Variants in ZBTB20 observed in about 807,000 individuals in gnomAD.
The protein encoded by ZBTB20 is zinc finger and BTB domain-containing protein 20.
A neutral mutation model predicts 56.9 loss-of-function variants in ZBTB20; 9 were observed. The ratio of observed to expected loss-of-function variants is 0.16; its 90% CI spans 0.10 to 0.28. ZBTB20 has a LOEUF of 0.28. ZBTB20 is among the 10% of genes least tolerant of loss of function. ZBTB20 has a pLI of 1.00. For synonymous variants in ZBTB20, 417 were observed against 420.7 expected (o/e 0.99, Z 0.11); for missense variants, 655 against 1,003.0 (o/e 0.65, Z 4.69).
At chr3:114,585,535 T>C (rs1240221340) in intron 6 of ZBTB20, among the ~76,000 whole-genome samples, 2 of 152,216 alleles carry the variant, frequency 1.3e-5, no homozygotes, top group South Asian at 2.1e-4. Context: ...CAGTTCATTT[T>C]ACCCCTGCAA....
chr3:114,630,344 G>GA (rs2058876431), intron 6 of ZBTB20, among the ~76,000 whole-genome samples: 1 of 152,210 alleles, frequency 6.6e-6, no homozygotes, highest in African/African-American at 2.4e-5. Context: ...TTGGATGGCA[G>GA]AGAAGTTGCT....
At chr3:114,902,284 C>T (rs2075150315) in intron 3 of ZBTB20, among the ~76,000 whole-genome samples, 1 of 152,200 alleles carries the variant, frequency 6.6e-6, no homozygotes, top group South Asian at 2.1e-4. Flanking sequence ...CACAGCCTAA[C>T]TTATTCACTA....
intron 7 of ZBTB20, among the ~76,000 whole-genome samples, chr3:114,487,758 G>A (rs757519122): frequency 6.6e-6 from 1 of 152,198 alleles, no homozygotes; most frequent in African/African-American, 2.4e-5. Flanking sequence ...ATTCTCTAGC[G>A]TCTTTCACTT....
chr3:115,084,977 G>T (rs1298776900), intron 1 of ZBTB20, among the ~76,000 whole-genome samples: 2 of 151,898 alleles, frequency 1.3e-5, no homozygotes, highest in Non-Finnish European at 2.9e-5. Context: ...TTGTTTTGTT[G>T]TTGTTGTTGT....
chr3:115,060,506 G>A (rs1428321796), intron 2 of ZBTB20, among the ~76,000 whole-genome samples: 3 of 152,030 alleles, frequency 2.0e-5, no homozygotes, highest in Non-Finnish European at 4.4e-5. Context: ...GCATTTATGT[G>A]ATTTATATTT....
At chr3:114,991,604 T>C (rs2078813386) in intron 2 of ZBTB20, among the ~76,000 whole-genome samples, 1 of 152,166 alleles carries the variant, frequency 6.6e-6, no homozygotes, top group South Asian at 2.1e-4. Flanking sequence ...GAGAGTTCTG[T>C]AGATGTCTAT....
Position 114,351,847 on chromosome 3 carries a change from G to A in ZBTB20, c.231C>T (p.Arg77=), listed in dbSNP as rs775207179. The A allele has an allele frequency of 1.8e-5, 29 of 1,599,868 alleles. No individual in the cohort carries two copies. In the Admixed American group the frequency reaches 4.9e-4, roughly 27 times the overall value. ...CDISCKGMTE[R]IHSINLHNFS... Reference sequence around the variant, plus strand: ...AGTTGTGAAGGTTGATGCTGTGAATGCGCTCGGTCATCCCCTTGCAACTGA... The same window carrying A: ...AGTTGTGAAGGTTGATGCTGTGAATACGCTCGGTCATCCCCTTGCAACTGA... The change falls in exon 11 of 12, where the codon CGC becomes CGT. Residue 77 remains arginine, a synonymous_variant. Transcript: ENST00000675478.
chr3:114,644,047 C>A (rs1280365650), intron 6 of ZBTB20, among the ~76,000 whole-genome samples: 1 of 151,802 alleles, frequency 6.6e-6, no homozygotes, highest in East Asian at 1.9e-4. Flanking sequence ...CAATAAAAAA[C>A]CTTAATTATG....
At chr3:114,929,504 T>C (rs1399858873) in intron 3 of ZBTB20, among the ~76,000 whole-genome samples, 5 of 152,206 alleles carry the variant, frequency 3.3e-5, no homozygotes, top group Non-Finnish European at 7.3e-5. Context: ...GAATTCTGAA[T>C]TTCTTCTAGT....
At chr3:114,988,087 GTTTC>G (rs2078625096) in intron 2 of ZBTB20, among the ~76,000 whole-genome samples, 1 of 132,712 alleles carries the variant, frequency 7.5e-6, no homozygotes, top group African/African-American at 3.0e-5. Flanking sequence ...ATGGTATCCA[GTTTC>G]TTTTTTTTTT....
intron 6 of ZBTB20, among the ~76,000 whole-genome samples, chr3:114,605,613 A>C (rs2057083532): frequency 6.6e-6 from 1 of 152,232 alleles, no homozygotes; most frequent in Non-Finnish European, 1.5e-5. Context: ...AGGAAAGTAA[A>C]TAACCAACTA....
chr3:114,875,877 G>T (rs2076172707), intron 4 of ZBTB20, among the ~76,000 whole-genome samples: 1 of 152,062 alleles, frequency 6.6e-6, no homozygotes, highest in African/African-American at 2.4e-5. Context: ...TCCATTCTAG[G>T]TCCCTAAATC....
chr3:114,587,732 A>G (rs1334318553), intron 6 of ZBTB20, among the ~76,000 whole-genome samples: 4 of 152,234 alleles, frequency 2.6e-5, no homozygotes, highest in Admixed American at 2.6e-4. Context: ...TAGAAGAACG[A>G]AAGTCATTTC....
At chr3:115,073,220 A>G (rs2108515638) in intron 1 of ZBTB20, among the ~76,000 whole-genome samples, 1 of 152,322 alleles carries the variant, frequency 6.6e-6, no homozygotes, top group Non-Finnish European at 1.5e-5. Context: ...GCTTCCTCAA[A>G]AGATTATGTC....
intron 5 of ZBTB20, among the ~76,000 whole-genome samples, chr3:114,740,932 A>G: frequency 6.6e-6 from 1 of 152,242 alleles, no homozygotes; most frequent in East Asian, 1.9e-4. Flanking sequence ...ATCAGAAAGA[A>G]AACTATAGAA....
At chr3:114,747,013 A>G (rs1002975349) in intron 5 of ZBTB20, among the ~76,000 whole-genome samples, 1 of 152,050 alleles carries the variant, frequency 6.6e-6, no homozygotes, top group Non-Finnish European at 1.5e-5. Context: ...TACATGTAAA[A>G]TTTTTCTCTA....
intron 5 of ZBTB20, among the ~76,000 whole-genome samples, chr3:114,695,236 C>T (rs1270589591): frequency 6.6e-6 from 1 of 152,004 alleles, no homozygotes; most frequent in East Asian, 1.9e-4. Flanking sequence ...GTTTAAAATT[C>T]TCCCTAGCTT....
At chr3:115,031,965 C>T (rs572372178) in intron 2 of ZBTB20, among the ~76,000 whole-genome samples, 2 of 151,442 alleles carry the variant, frequency 1.3e-5, no homozygotes, top group South Asian at 2.1e-4. Context: ...GCTCTTAATA[C>T]CCTCATCAAA....
At chr3:114,380,712 A>G in intron 9 of ZBTB20, 65 bp downstream of exon 9, 3 of 1,456,972 alleles carry the variant, frequency 2.1e-6, no homozygotes, top group Non-Finnish European at 2.7e-6. Context: ...TTATCCAAGA[A>G]AGCATCCCTC....
Sources: gnomAD v4.1 joint callset for allele counts (sites outside exome capture counted in the v4.1 genomes callset) on GRCh38, gnomAD v4.1.1 for gene constraint, MANE v1.5 for transcripts, NCBI Gene and HGNC (gene_info 2026-07-23, HGNC 2026-07-21) for gene names.